The following ASAP2 variants were observed in gnomAD, a reference collection of about 807,000 sequenced individuals.
ASAP2 encodes ArfGAP with SH3 domain, ankyrin repeat and PH domain 2, also known as arf-GAP with SH3 domain, ANK repeat and PH domain-containing protein 2.
A neutral mutation model predicts 131.4 loss-of-function variants in ASAP2; 45 were observed. The observed-to-expected ratio is 0.34, with a 90% CI of 0.27 to 0.44. ASAP2 has a LOEUF of 0.44. Among genes scored for constraint, ASAP2 ranks in the 20% least tolerant of loss-of-function variants. ASAP2 has a pLI of 1.00. For synonymous variants in ASAP2, 510 were observed against 503.0 expected, an observed-to-expected ratio of 1.01 and a Z score of -0.19; for missense variants, 1,011 against 1,297.0, an observed-to-expected ratio of 0.78 and a Z score of 3.39.
intron 19 of ASAP2, among the ~76,000 whole-genome samples, chr2:9,379,268 C>G (rs1033922537): frequency 6.6e-6 from 1 of 152,202 alleles, no homozygotes; most frequent in Admixed American, 6.5e-5. Flanking sequence ...AGACTTTGGG[C>G]GCGTTTACAG....
rs1472040110 is a variant in ASAP2, at chr2:9,317,803, C to G, written c.346-721C>G. On this transcript the variant is annotated intron_variant, in intron 3 of 27. Transcript: ENST00000281419. Reference sequence around the variant, plus strand: ...ACACACCCATACACAATCGCATTCACACACTCACACAATCACACCCTTAGT... The same window carrying G: ...ACACACCCATACACAATCGCATTCAGACACTCACACAATCACACCCTTAGT... 2.2e-5 allele frequency among the ~76,000 whole-genome samples: 3 copies of G among 137,904 alleles called. No homozygotes were observed. In the East Asian group the frequency reaches 5.9e-4, roughly 27 times the overall value. 90.5% of individuals were successfully genotyped at this position (137,904 alleles called of 152,430 possible).
At chr2:9,215,637 A>G (rs1219524865) in intron 1 of ASAP2, among the ~76,000 whole-genome samples, 1 of 149,770 alleles carries the variant, frequency 6.7e-6, no homozygotes, top group Non-Finnish European at 1.5e-5. Context: ...AGAGAATTCC[A>G]GGCTTGATGG....
chr2:9,237,072 G>A (rs951694447), intron 1 of ASAP2, among the ~76,000 whole-genome samples: 3 of 152,182 alleles, frequency 2.0e-5, no homozygotes, highest in Non-Finnish European at 4.4e-5. Context: ...TGGAGAAATA[G>A]GCAAGAGGGA....
At chr2:9,274,373 A>T (rs967507681) in intron 1 of ASAP2, among the ~76,000 whole-genome samples, 1 of 125,866 alleles carries the variant, frequency 7.9e-6, no homozygotes, top group Non-Finnish European at 1.6e-5. Flanking sequence ...CCCAAGCTGG[A>T]GTACAGTGGT....
At chr2:9,330,315 C>A (rs79285835) in intron 7 of ASAP2, among the ~76,000 whole-genome samples, 1 of 152,076 alleles carries the variant, frequency 6.6e-6, no homozygotes, top group African/African-American at 2.4e-5. Context: ...ACAAGCCAGC[C>A]GCAGAAAGAC....
At chr2:9,380,249 G>A (rs1674733217) in intron 19 of ASAP2, among the ~76,000 whole-genome samples, 1 of 152,154 alleles carries the variant, frequency 6.6e-6, no homozygotes, top group Non-Finnish European at 1.5e-5. Flanking sequence ...CAAGGCTAGA[G>A]TGCAGTGGCA....
chr2:9,291,042 C>G (rs923822687), intron 2 of ASAP2, among the ~76,000 whole-genome samples: 6 of 152,134 alleles, frequency 3.9e-5, no homozygotes, highest in African/African-American at 1.2e-4. Flanking sequence ...TATGTCCTCC[C>G]TTTTTTAAAC....
chr2:9,239,472 T>G (rs929745780), intron 1 of ASAP2, among the ~76,000 whole-genome samples: 2 of 152,082 alleles, frequency 1.3e-5, no homozygotes, highest in African/African-American at 2.4e-5. Flanking sequence ...GGGGTGGTGG[T>G]GGGGGGAGAT....
At chr2:9,310,389 G>C (rs905001646) in intron 3 of ASAP2, among the ~76,000 whole-genome samples, 3 of 152,214 alleles carry the variant, frequency 2.0e-5, no homozygotes, top group Non-Finnish European at 4.4e-5. Flanking sequence ...TCCTCGAAGA[G>C]AGTTGGATTC....
At position 9,377,631 on chromosome 2, in the gene ASAP2, C is replaced by G. The variant is rs367723073; in HGVS notation, c.1832+638C>G. On this transcript the variant is annotated intron_variant, in intron 18 of 27. Transcript: ENST00000281419. ...TCAACGTGTATTTTGACTCCCTGAT[C>G]GTGGTTTGAGCCATGTGTGTACTGG... Among the ~76,000 whole-genome samples the G allele has an allele frequency of 5.5e-4, 84 of 152,204 alleles. 3 individuals are homozygous for G. In the South Asian group the frequency reaches 0.017, roughly 31 times the overall value.
At chr2:9,213,559 TG>T (rs1215506755) in intron 1 of ASAP2, among the ~76,000 whole-genome samples, 5 of 151,648 alleles carry the variant, frequency 3.3e-5, no homozygotes, top group African/African-American at 1.2e-4. Context: ...AGACCAGTTG[TG>T]GGGTGAGGGG....
chr2:9,302,088 G>T (rs1341439088), intron 3 of ASAP2, among the ~76,000 whole-genome samples: 2 of 149,090 alleles, frequency 1.3e-5, no homozygotes, highest in East Asian at 4.0e-4. Flanking sequence ...CTCCCAAAGT[G>T]CAGGGATTAC....
chr2:9,207,816 C>G lies in ASAP2; in HGVS notation c.126+586C>G, dbSNP rs1661234933. Among the ~76,000 whole-genome samples, 1 of 152,074 alleles carries G rather than the reference C, an allele frequency of 6.6e-6. No homozygotes were observed. On this transcript the variant is annotated intron_variant, in intron 1 of 27. Coordinates refer to ENST00000281419, the MANE Select transcript of ASAP2 (RefSeq NM_003887.3). The surrounding 1 kb of genome is among the most constrained non-coding windows in gnomAD (Gnocchi z 4.1). ...CGGGCAAGGTGTGTGAGAGTCGGCG[C>G]TTCTGGGTCCAAGAAGCCTCCAGGA... is the stretch of plus-strand genomic sequence containing the variant.
intron 11 of ASAP2, among the ~76,000 whole-genome samples, chr2:9,347,916 G>A (rs1168024238): frequency 2.0e-5 from 3 of 152,102 alleles, no homozygotes; most frequent in Admixed American, 6.5e-5. Flanking sequence ...AAAATAGAAC[G>A]GCACGATTAG....
At chr2:9,218,141 T>C (rs1038272118) in intron 1 of ASAP2, among the ~76,000 whole-genome samples, 3 of 152,122 alleles carry the variant, frequency 2.0e-5, no homozygotes, top group African/African-American at 7.2e-5. Flanking sequence ...CTCTTCTTGA[T>C]CTTTTAATGC....
intron 15 of ASAP2, among the ~76,000 whole-genome samples, chr2:9,365,421 G>A (rs1572555225): frequency 1.3e-5 from 2 of 152,346 alleles, no homozygotes; most frequent in East Asian, 1.9e-4. Flanking sequence ...GTGAGTCAGA[G>A]AAGAATGTCA....
chr2:9,207,988 C>T lies in ASAP2; in HGVS notation c.126+758C>T, dbSNP rs1286972624. Reference sequence around the variant, plus strand: ...TGCTAAGCAGTACGCTCTCCAGGTCCTGGGGAGAGGAACACGTAGGAACGA... The same window carrying T: ...TGCTAAGCAGTACGCTCTCCAGGTCTTGGGGAGAGGAACACGTAGGAACGA... On this transcript the variant is annotated intron_variant, in intron 1 of 27. Transcript: ENST00000281419. The surrounding 1 kb of genome is among the most constrained non-coding windows in gnomAD (Gnocchi z 4.1). Among the ~76,000 whole-genome samples, 1 of 152,184 alleles carries T rather than the reference C, an allele frequency of 6.6e-6. No homozygotes were observed. The highest frequency in any genetic ancestry group is 1.5e-5 in the Non-Finnish European group (1 of 68,028).
At chr2:9,373,694 C>T (rs1177018225) in intron 16 of ASAP2, among the ~76,000 whole-genome samples, 2 of 152,258 alleles carry the variant, frequency 1.3e-5, no homozygotes, top group African/African-American at 4.8e-5. Context: ...CGTGCGGGGA[C>T]TCCAGCTCGA....
intron 12 of ASAP2, among the ~76,000 whole-genome samples, chr2:9,352,200 AAAACACACAC>A (rs1257340213): frequency 4.0e-5 from 6 of 148,864 alleles, no homozygotes; most frequent in African/African-American, 1.5e-4. Context: ...CTAACTCTTT[AAAACACACAC>A]AAACACACAC....
Sources: allele counts gnomAD v4.1 joint callset (sites outside exome capture counted in the v4.1 genomes callset), GRCh38; gene constraint gnomAD v4.1.1; non-coding constraint Gnocchi (gnomAD v3.1); transcripts MANE v1.5; gene names NCBI Gene and HGNC (gene_info 2026-07-23, HGNC 2026-07-21).